MUCL1: variants seen among roughly 807,000 people sequenced by gnomAD.
The protein encoded by MUCL1 is mucin-like protein 1.
Under a neutral mutation model 9.2 loss-of-function variants are expected in MUCL1, and 11 were observed. The observed-to-expected ratio is 1.19, with a 90% CI of 0.75 to 1.97. The LOEUF is 1.97. Among genes scored for constraint, MUCL1 ranks in the 30% most tolerant of loss-of-function variants. The pLI is 0.00. For synonymous variants in MUCL1, 48 were observed against 40.5 expected, an observed-to-expected ratio of 1.19 and a Z score of -0.71; for missense variants, 144 against 110.9, an observed-to-expected ratio of 1.30 and a Z score of -1.34.
rs778201210 is a variant in MUCL1 at position 54,854,582 on chromosome 12, C to T, written c.-1C>T. The stretch of plus-strand genomic sequence containing the variant: ...TGCTCCCTGATCTTCAGGTCACCAC[C>T]ATGAAGTTCTTAGCAGTCCTGGTAC... On this transcript the variant is annotated 5_prime_UTR_variant, in exon 1 of 4. Coordinates refer to ENST00000308796, the MANE Select transcript of MUCL1 (RefSeq NM_058173.3). 1.2e-5 allele frequency: 19 copies of T among 1,612,950 alleles called. No homozygotes were observed. The highest frequency in any genetic ancestry group is 1.6e-5 in the Non-Finnish European group (19 of 1,179,390).
upstream of MUCL1, among the ~76,000 whole-genome samples, chr12:54,837,501 C>T (rs1959194985): frequency 1.3e-5 from 2 of 152,062 alleles, no homozygotes; most frequent in South Asian, 4.1e-4. Flanking sequence ...TGTGGTGGCT[C>T]ATGCCTGTAA....
intron 1 of MUCL1, among the ~76,000 whole-genome samples, chr12:54,846,467 T>G (rs558445381): frequency 1.3e-5 from 2 of 152,336 alleles, no homozygotes; most frequent in East Asian, 3.9e-4. Flanking sequence ...TTCTTCTGAT[T>G]GTTTCACTTC....
At chr12:54,836,741 A>G (rs1275056830), upstream of MUCL1, among the ~76,000 whole-genome samples, 1 of 152,158 alleles carries the variant, frequency 6.6e-6, no homozygotes, top group Non-Finnish European at 1.5e-5. Flanking sequence ...TCCTCTTAGC[A>G]CTGCTTTTGC....
chr12:54,841,275 T>C (rs895589934), intron 1 of MUCL1, among the ~76,000 whole-genome samples: 2 of 152,254 alleles, frequency 1.3e-5, no homozygotes, highest in African/African-American at 4.8e-5. Context: ...TTTCATGTCA[T>C]GGCTGTTGTA....
upstream of MUCL1, among the ~76,000 whole-genome samples, chr12:54,837,852 A>AT (rs544410236): frequency 7.8e-4 from 119 of 152,354 alleles, 1 homozygote; most frequent in African/African-American, 2.8e-3. Flanking sequence ...TTGGTTTGTG[A>AT]TTTTTTAATA....
chr12:54,841,898 AG>A (rs1959214062), intron 1 of MUCL1, among the ~76,000 whole-genome samples: 1 of 152,140 alleles, frequency 6.6e-6, no homozygotes, highest in African/African-American at 2.4e-5. Context: ...AACATTCAGG[AG>A]GCATTCTCTT....
chr12:54,835,267 T>A (rs546414240), upstream of MUCL1, among the ~76,000 whole-genome samples: 25 of 152,324 alleles, frequency 1.6e-4, no homozygotes, highest in Non-Finnish European at 1.3e-4. Flanking sequence ...TTTAGGTAGA[T>A]AGCCAGTAGT....
At chr12:54,839,742 G>A (rs1412103586) in intron 1 of MUCL1, among the ~76,000 whole-genome samples, 2 of 152,186 alleles carry the variant, frequency 1.3e-5, no homozygotes, top group African/African-American at 4.8e-5. Flanking sequence ...CACTCCTTGT[G>A]TGGGGATGTA....
intron 1 of MUCL1, among the ~76,000 whole-genome samples, chr12:54,847,976 C>T (rs1274746889): frequency 6.6e-6 from 1 of 151,848 alleles, no homozygotes; most frequent in Admixed American, 6.6e-5. Context: ...GTACTAACAG[C>T]AAATCCTGTT....
chr12:54,833,623 A>G (rs1212589671), intron 1 of MUCL1, among the ~76,000 whole-genome samples: 1 of 152,110 alleles, frequency 6.6e-6, no homozygotes, highest in Non-Finnish European at 1.5e-5. Context: ...TTTATACACC[A>G]TGGAATACTA....
chr12:54,831,069 T>C (rs931649672), intron 1 of MUCL1, among the ~76,000 whole-genome samples: 1 of 152,224 alleles, frequency 6.6e-6, no homozygotes, highest in African/African-American at 2.4e-5. Context: ...GAGAGGCAAT[T>C]ATTTTATATA....
upstream of MUCL1, among the ~76,000 whole-genome samples, chr12:54,834,683 C>T (rs559089612): frequency 1.2e-3 from 189 of 151,976 alleles, no homozygotes; most frequent in South Asian, 2.3e-3. Context: ...AATGAACTAA[C>T]TGTGTATCTC....
chr12:54,850,161 AT>A (rs775237095), upstream of MUCL1, among the ~76,000 whole-genome samples: 20 of 150,996 alleles, frequency 1.3e-4, no homozygotes, highest in Admixed American at 2.6e-4. Context: ...ATAACTACTC[AT>A]TTTTTTTTAT....
In MUCL1 at chr12:54,856,828, A is replaced by G. The variant is rs1349910; in HGVS notation, c.159A>G (p.Ala53=). The G allele has an allele frequency of 0.96, 1,553,274 of 1,613,646 alleles. 747,834 individuals carry two copies. Among genetic ancestry groups the G allele is most frequent in the East Asian group, 1 (44,785 of 44,806 alleles). ...DAETTAAATT[A]TTAAPTTATT... is the part of the protein sequence containing the mutation. ...AAACCACTGCTGCTGCAACCACTGC[A>G]ACCACTGCTGCTCCTACCACTGCAA... Residue 53 remains alanine (A), a synonymous_variant, in exon 3 of 4, where the codon GCA becomes GCG. Coordinates refer to ENST00000308796, the MANE Select transcript of MUCL1 (RefSeq NM_058173.3).
upstream of MUCL1, among the ~76,000 whole-genome samples, chr12:54,851,281 T>C (rs1411770094): frequency 2.0e-5 from 3 of 152,216 alleles, no homozygotes; most frequent in Non-Finnish European, 2.9e-5. Context: ...TCTAGGATTT[T>C]TATGGTTTTA....
chr12:54,839,392 G>A, exon 1 of MUCL1: 1 of 701,912 alleles, frequency 1.4e-6, no homozygotes, highest in Non-Finnish European at 2.6e-6. Context: ...AACAGTTCAG[G>A]CTTCTGGCCA....
At chr12:54,844,593 T>C (rs1592247148) in intron 1 of MUCL1, among the ~76,000 whole-genome samples, 1 of 152,188 alleles carries the variant, frequency 6.6e-6, no homozygotes, top group African/African-American at 2.4e-5. Flanking sequence ...CTTAACTAGA[T>C]CTAGCAGTTC....
intron 1 of MUCL1, among the ~76,000 whole-genome samples, chr12:54,841,673 A>G (rs969475540): frequency 6.6e-6 from 1 of 152,156 alleles, no homozygotes; most frequent in African/African-American, 2.4e-5. Flanking sequence ...TTCTTTGTCT[A>G]CTTTGTAATT....
chr12:54,831,554 G>A (rs1404279706), intron 1 of MUCL1, among the ~76,000 whole-genome samples: 1 of 152,002 alleles, frequency 6.6e-6, no homozygotes, highest in Non-Finnish European at 1.5e-5. Context: ...GTTACAATAA[G>A]TCTACCTGAA....
Sources: gnomAD v4.1 joint callset for allele counts (sites outside exome capture counted in the v4.1 genomes callset) on GRCh38, gnomAD v4.1.1 for gene constraint, MANE v1.5 for transcripts, NCBI Gene and HGNC (gene_info 2026-07-23, HGNC 2026-07-21) for gene names.